Variants in SLC27A3 observed in about 807,000 individuals in gnomAD.
The protein encoded by SLC27A3 is solute carrier family 27 member 3.
Under a neutral mutation model 60.1 loss-of-function variants are expected in SLC27A3, and 60 were observed. The ratio of observed to expected loss-of-function variants is 1.00; its 90% CI spans 0.81 to 1.24. SLC27A3 has a LOEUF of 1.24. Among genes scored for constraint, SLC27A3 ranks in the 50% most tolerant of loss-of-function variants. The pLI is 0.00. For missense variants in SLC27A3, 1,079 were observed against 929.9 expected, an observed-to-expected ratio of 1.16 and a Z score of -2.09; for synonymous variants, 455 against 409.0, an observed-to-expected ratio of 1.11 and a Z score of -1.36.
At chr1:153,777,405 G>A in intron 3 of SLC27A3, 185 bp downstream of exon 3, 10 of 726,412 alleles carry the variant, frequency 1.4e-5, no homozygotes, top group Non-Finnish European at 1.6e-5. Flanking sequence ...AACGGTGAGG[G>A]GGGCCATACA....
In SLC27A3 at chr1:153,775,963, A is replaced by G; in HGVS notation, c.466A>G (p.Arg156Gly). 3.5e-6 allele frequency: 5 copies of G among 1,441,902 alleles called. No individual in the cohort carries two copies. The highest frequency in any genetic ancestry group is 1.5e-5 in the South Asian group (1 of 68,812). The allele number at this position is 1,441,902 out of a possible 1,614,324, so 89.3% of individuals were successfully genotyped here. The change falls in exon 1 of 10, where the codon AGA becomes GGA. Residue 156 changes from arginine to glycine, a missense_variant. Coordinates refer to ENST00000624995, the MANE Select transcript of SLC27A3 (RefSeq NM_024330.4). ...GTTTGCCGGAGGGGACGGTGCCGCC[A>G]GAGGTGGAGGAGCCGCCGCCCCTCT... ...AEFAGGDGAA[R>G]GGGAAAPLSP...
chr1:153,778,679 T>C lies in SLC27A3; in HGVS notation c.1448-8T>C. 1 of 1,612,728 alleles carries C rather than the reference T, an allele frequency of 6.2e-7. No homozygotes were observed. ...TGACACCACTCCTGACCCTGGTGAC[T>C]CTGCCAGGTGAGCCAGGGCTGCTGG... On this transcript the variant is annotated splice_region_variant and splice_polypyrimidine_tract_variant and intron_variant, in intron 6 of 9. Transcript: ENST00000624995.
At chr1:153,778,615 G>C in intron 6 of SLC27A3, 62 bp downstream of exon 6, 1 of 1,609,550 alleles carries the variant, frequency 6.2e-7, no homozygotes, top group Non-Finnish European at 8.5e-7. Flanking sequence ...ACTGGAATTG[G>C]AGACTGGGGT....
chr1:153,778,094 C>T, intron 4 of SLC27A3, 67 bp from the exon 5 acceptor site: 15 of 1,542,412 alleles, frequency 9.7e-6, no homozygotes, highest in Non-Finnish European at 1.3e-5. Context: ...GAATGGGGAA[C>T]AGGAATTCAC....
chr1:153,777,523 A>G (rs931380413), intron 3 of SLC27A3: 6 of 614,040 alleles, frequency 9.8e-6, no homozygotes, highest in Non-Finnish European at 1.7e-5. Flanking sequence ...GAGAGTGTGG[A>G]GGATGAGATC....
At chr1:153,776,246 C>T in intron 1 of SLC27A3, 82 bp downstream of exon 1, 5 of 1,411,918 alleles carry the variant, frequency 3.5e-6, no homozygotes, top group Non-Finnish European at 4.6e-6. Context: ...GGCTTGGTCT[C>T]ATCCCTGGGC....
Position 153,778,221 on chromosome 1 carries a change from A to G in SLC27A3, c.1222A>G (p.Thr408Ala). 4.3e-6 allele frequency: 7 copies of G among 1,613,680 alleles called. No homozygotes were observed. The highest frequency in any genetic ancestry group is 5.9e-6 in the Non-Finnish European group (7 of 1,180,034). ...LAVGSGLRPD[T>A]WERFVRRFGP... ...AGTGGGCAGCGGGCTGCGCCCAGAT[A>G]CCTGGGAGCGTTTTGTGCGGCGCTT... is the stretch of plus-strand genomic sequence containing the variant. Residue 408 changes from threonine to alanine, a missense_variant, in exon 5 of 10, where the codon ACC becomes GCC. By Grantham distance (58) the Thr-to-Ala change is moderately conservative (BLOSUM62 0). Coordinates refer to ENST00000624995, the MANE Select transcript of SLC27A3 (RefSeq NM_024330.4).
At position 153,777,408 on chromosome 1, in the gene SLC27A3, G is replaced by A. The variant is rs543954160; in HGVS notation, c.1036+188G>A. 1.2e-3 allele frequency: 834 copies of A among 702,572 alleles called. 1 individual carries two copies. Among genetic ancestry groups the A allele is most frequent in the Non-Finnish European group, 1.6e-3 (697 of 427,400 alleles). The allele number at this position is 702,572 out of a possible 1,614,324, so 43.5% of individuals were successfully genotyped here. On this transcript the variant is annotated intron_variant, in intron 3 of 9. Coordinates refer to ENST00000624995, the MANE Select transcript of SLC27A3 (RefSeq NM_024330.4). The stretch of plus-strand genomic sequence containing the variant: ...TACAGACTGAGGAACGGTGAGGGGG[G>A]CCATACAGCCACATAACTCCAGGCT...
rs758768134 is a variant in SLC27A3 at position 153,776,678 on chromosome 1, C to G, written c.828C>G (p.Pro276=). Reference sequence around the variant, plus strand: ...CAGTGCCAGGATACCTCTCTTCCCCCCAGAGCATAACAGACACGTGCCTGT... The same window carrying G: ...CAGTGCCAGGATACCTCTCTTCCCCGCAGAGCATAACAGACACGTGCCTGT... ...DGPVPGYLSS[P]QSITDTCLYI... Residue 276 remains proline (P), a synonymous_variant, in exon 2 of 10, where the codon CCC becomes CCG. Coordinates refer to ENST00000624995, the MANE Select transcript of SLC27A3 (RefSeq NM_024330.4). 6.2e-7 allele frequency: 1 copy of G among 1,614,118 alleles called. No individual in the cohort carries two copies. Among genetic ancestry groups the G allele is most frequent in the Admixed American group, 1.7e-5 (1 of 60,016 alleles).
intron 1 of SLC27A3, 167 bp from the exon 2 acceptor site, chr1:153,776,351 C>T: frequency 7.6e-7 from 1 of 1,323,568 alleles, no homozygotes. Flanking sequence ...TTTGGTGCCC[C>T]AAGGATCCCC....
Position 153,778,286 on chromosome 1 carries a change from G to C in SLC27A3, c.1287G>C (p.Glu429Asp). ...TGCTGGAGACATATGGACTGACAGA[G>C]GGCAACGTGGCCACCATCAACTACA... ...LQVLETYGLT[E>D]GNVATINYTG... Residue 429 changes from glutamate (E) to aspartate (D), a missense_variant, in exon 5 of 10, where the codon GAG (glutamate) becomes GAC (aspartate). Glu to Asp is a conservative substitution (Grantham distance 45, BLOSUM62 2). Coordinates refer to ENST00000624995, the MANE Select transcript of SLC27A3 (RefSeq NM_024330.4). 6.2e-7 allele frequency: 1 copy of C among 1,614,124 alleles called. No individual in the cohort carries two copies. The highest frequency in any genetic ancestry group is 8.5e-7 in the Non-Finnish European group (1 of 1,179,998).
rs769765605 is a variant in SLC27A3, at chr1:153,775,708, C to G, written c.211C>G (p.Leu71Val). The G allele has an allele frequency of 6.5e-7, 1 of 1,528,006 alleles. No individual in the cohort carries two copies. The highest frequency in any genetic ancestry group is 2.3e-5 in the East Asian group (1 of 43,576). The allele number at this position is 1,528,006 out of a possible 1,614,324, so 94.7% of individuals were successfully genotyped here. Residue 71 changes from leucine to valine, a missense_variant, in exon 1 of 10, where the codon CTC becomes GTC. Coordinates refer to ENST00000624995, the MANE Select transcript of SLC27A3 (RefSeq NM_024330.4). ...GGGGGGCTGCAGCCTGGCCTGGCGCCTCGCGGAACTGGCCCAGCAGCGCGC... is the reference window on the plus strand; with the variant it reads ...GGGGGGCTGCAGCCTGGCCTGGCGCGTCGCGGAACTGGCCCAGCAGCGCGC... ...PEGGCSLAWR[L>V]AELAQQRAAH...
intron 1 of SLC27A3, 146 bp from the exon 2 acceptor site, chr1:153,776,372 G>A: frequency 2.3e-6 from 3 of 1,316,204 alleles, no homozygotes; most frequent in Non-Finnish European, 3.1e-6. Flanking sequence ...AAGGAGTCGA[G>A]TTCCAGGCCT....
At position 153,776,745 on chromosome 1, in the gene SLC27A3, T is replaced by C; in HGVS notation, c.877+18T>C. 1 of 1,613,214 alleles carries C rather than the reference T, an allele frequency of 6.2e-7. No homozygotes were observed. Among genetic ancestry groups the C allele is most frequent in the Non-Finnish European group, 8.5e-7 (1 of 1,179,306 alleles). ...CACCACGGGTGAGGGCCGGGCACCA[T>C]ACTTAGCTCCCCGAAACCAAGGCAG... On this transcript the variant is annotated intron_variant, in intron 2 of 9. Coordinates refer to ENST00000624995, the MANE Select transcript of SLC27A3 (RefSeq NM_024330.4).
In SLC27A3 at chr1:153,778,749, G is replaced by A. The variant is rs369621949; in HGVS notation, c.1510G>A (p.Gly504Arg). Residue 504 changes from glycine (G) to arginine (R), a missense_variant, in exon 7 of 10, where the codon GGG becomes AGG. Physicochemically the swap from Gly to Arg is moderately radical, Grantham distance 125. Coordinates refer to ENST00000624995, the MANE Select transcript of SLC27A3 (RefSeq NM_024330.4). The stretch of plus-strand genomic sequence containing the variant: ...GTCCCCATTCCTGGGCTATGCTGGC[G>A]GGCCAGAGCTGGCCCAGGGGAAGTT... Reference protein sequence around the residue: ...QQSPFLGYAGGPELAQGKLLK... With the variant: ...QQSPFLGYAGRPELAQGKLLK... 63 of 1,613,786 alleles carry A rather than the reference G, an allele frequency of 3.9e-5. No homozygotes were observed. Among genetic ancestry groups the A allele is most frequent in the African/African-American group, 1.6e-4 (12 of 74,904 alleles).
At chr1:153,777,610 G>C in intron 3 of SLC27A3, 151 bp from the exon 4 acceptor site, 1 of 1,004,958 alleles carries the variant, frequency 1.0e-6, no homozygotes, top group Admixed American at 2.1e-5. Context: ...GGGAAAGAGG[G>C]CCAGCACGGC....
Position 153,775,951 on chromosome 1 carries a change from G to C in SLC27A3, c.454G>C (p.Asp152His). ...AAGCGGCGCGGAGTTTGCCGGAGGG[G>C]ACGGTGCCGCCAGAGGTGGAGGAGC... ...AGSGAEFAGG[D>H]GAARGGGAAA... is the part of the protein sequence containing the mutation. Residue 152 changes from aspartate (D) to histidine (H), a missense_variant, in exon 1 of 10, where the codon GAC becomes CAC. By Grantham distance (81) the Asp-to-His change is moderately conservative (BLOSUM62 -1). Coordinates refer to ENST00000624995, the MANE Select transcript of SLC27A3 (RefSeq NM_024330.4). 2 of 1,447,710 alleles carry C rather than the reference G, an allele frequency of 1.4e-6. No homozygotes were observed. Among genetic ancestry groups the C allele is most frequent in the East Asian group, 2.7e-5 (1 of 37,324 alleles). 89.7% of individuals were successfully genotyped at this position (1,447,710 alleles called of 1,614,324 possible).
At position 153,776,102 on chromosome 1, in the gene SLC27A3, G is replaced by T; in HGVS notation, c.605G>T (p.Arg202Leu). Residue 202 changes from arginine (R) to leucine (L), a missense_variant, in exon 1 of 10, where the codon CGC (arginine) becomes CTC (leucine). Physicochemically the swap from Arg to Leu is moderately radical, Grantham distance 102 (BLOSUM62 -2). Coordinates refer to ENST00000624995, the MANE Select transcript of SLC27A3 (RefSeq NM_024330.4). ...LRTAFVPTAL[R>L]RGPLLHCLRS... ...ACTGCCTTTGTGCCCACCGCCCTGC[G>T]CCGGGGCCCCCTGCTGCACTGCCTC... The T allele has an allele frequency of 1.4e-6, 2 of 1,478,900 alleles. No homozygotes were observed. The highest frequency in any genetic ancestry group is 8.9e-7 in the Non-Finnish European group (1 of 1,129,052). 91.6% of individuals were successfully genotyped at this position (1,478,900 alleles called of 1,614,324 possible).
chr1:153,775,550 T>C lies in SLC27A3; in HGVS notation c.53T>C (p.Leu18Pro). ...CTGCTGTTGCTACCGCTGCTGCTGC[T>C]GAAGCTACACCTCTGGCCGCAGTTG... ...PLLLLLPLLL[L>P]KLHLWPQLRW... The change falls in exon 1 of 10, where the codon CTG becomes CCG. Residue 18 changes from leucine (L) to proline (P), a missense_variant. Transcript: ENST00000624995. 1 of 1,612,158 alleles carries C rather than the reference T, an allele frequency of 6.2e-7. No individual in the cohort carries two copies. The highest frequency in any genetic ancestry group is 8.5e-7 in the Non-Finnish European group (1 of 1,179,926).
Sources: allele counts gnomAD v4.1 joint callset, GRCh38; gene constraint gnomAD v4.1.1; transcripts MANE v1.5; gene names NCBI Gene and HGNC (gene_info 2026-07-23, HGNC 2026-07-21).